PTPA: variants seen among roughly 807,000 people sequenced by gnomAD.
The protein encoded by PTPA is protein phosphatase 2 phosphatase activator.
PTPA carries 13 observed loss-of-function variants against 43.6 expected under a neutral mutation model. That is an observed-to-expected ratio of 0.30 (90% confidence interval 0.19 to 0.47). The LOEUF is 0.47. PTPA is among the 20% of genes least tolerant of loss of function. The pLI is 0.99. For missense variants in PTPA, 329 were observed against 411.9 expected, an observed-to-expected ratio of 0.80 and a Z score of 1.74; for synonymous variants, 172 against 158.2, an observed-to-expected ratio of 1.09 and a Z score of -0.66.
intron 4 of PTPA, among the ~76,000 whole-genome samples, chr9:129,129,902 T>A (rs946515653): frequency 3.3e-5 from 5 of 152,098 alleles, no homozygotes; most frequent in Non-Finnish European, 7.4e-5. Context: ...CAAGACCCCG[T>A]TACTGCAAAA....
chr9:129,142,228 G>A (rs1850911639), intron 8 of PTPA: 4 of 455,828 alleles, frequency 8.8e-6, no homozygotes, highest in East Asian at 3.4e-5. Flanking sequence ...GAGGGCCAAA[G>A]GGGAACCTTG....
intron 1 of PTPA, among the ~76,000 whole-genome samples, chr9:129,118,106 C>T (rs1174662693): frequency 2.0e-5 from 3 of 149,544 alleles, no homozygotes; most frequent in Admixed American, 6.7e-5. Context: ...AGAGCTGGAG[C>T]GCAATGGCAC....
chr9:129,141,820 CAGGCAGAGGG>C (rs1850863139), intron 8 of PTPA: 1 of 152,332 alleles, frequency 6.6e-6, no homozygotes, highest in Non-Finnish European at 1.5e-5. Flanking sequence ...GCCTGCATGG[CAGGCAGAGGG>C]CTGTCGGATA....
At chr9:129,125,820 G>A (rs1564189595) in intron 3 of PTPA, among the ~76,000 whole-genome samples, 1 of 152,168 alleles carries the variant, frequency 6.6e-6, no homozygotes, top group Non-Finnish European at 1.5e-5. Context: ...TTAGGCATTA[G>A]TCAGTTCTAA....
chr9:129,119,171 A>AT lies in PTPA; in HGVS notation c.32-1334dup, dbSNP rs990249871. 8.8e-5 allele frequency: 14 copies of AT among 159,902 alleles called. No homozygotes were observed. In the South Asian group the frequency reaches 1.1e-3, roughly 13 times the overall value. The allele number at this position is 159,902 out of a possible 1,614,324, so 9.9% of individuals were successfully genotyped here. ...GCAACCACACCCAGCTAATTTTTAA[A>AT]TTTTTTTTGTAAAGATGGCGTTTTG... On this transcript the variant is annotated intron_variant, in intron 1 of 9. Coordinates refer to ENST00000393370, the MANE Select transcript of PTPA (RefSeq NM_178000.3).
chr9:129,125,598 T>G (rs532728702), intron 3 of PTPA, among the ~76,000 whole-genome samples: 2,241 of 152,194 alleles, frequency 0.015, 62 homozygotes, highest in African/African-American at 0.051. Flanking sequence ...TGTGGTTACA[T>G]GCTTGGGTTC....
intron 9 of PTPA, among the ~76,000 whole-genome samples, chr9:129,144,193 A>G (rs1331847348): frequency 1.3e-5 from 2 of 151,672 alleles, no homozygotes; most frequent in African/African-American, 2.4e-5. Context: ...GGAGGAGCAT[A>G]TTCGGATTGA....
chr9:129,134,996 C>T (rs1850263393), intron 6 of PTPA, 102 bp downstream of exon 6: 9 of 948,606 alleles, frequency 9.5e-6, no homozygotes, highest in Admixed American at 6.5e-5. Flanking sequence ...CTGAGTAGCT[C>T]ATGGTTCTCT....
intron 9 of PTPA, 87 bp downstream of exon 9, chr9:129,142,639 C>T: frequency 6.4e-7 from 1 of 1,565,994 alleles, no homozygotes; most frequent in Non-Finnish European, 8.7e-7. Context: ...GAACCTGGGG[C>T]TCCTGCTTCC....
At chr9:129,123,934 C>T (rs568013875) in intron 3 of PTPA, among the ~76,000 whole-genome samples, 2 of 152,262 alleles carry the variant, frequency 1.3e-5, no homozygotes, top group Non-Finnish European at 2.9e-5. Flanking sequence ...CTGCCTGCCT[C>T]GGCCTCCCAA....
At position 129,147,500 on chromosome 9, in the gene PTPA, T is replaced by TC; in HGVS notation, c.*38dup. 1 of 1,593,906 alleles carries TC rather than the reference T, an allele frequency of 6.3e-7. No individual in the cohort carries two copies. Among genetic ancestry groups the TC allele is most frequent in the Non-Finnish European group, 8.6e-7 (1 of 1,163,550 alleles). On this transcript the variant is annotated 3_prime_UTR_variant, in exon 10 of 10. Coordinates refer to ENST00000393370, the MANE Select transcript of PTPA (RefSeq NM_178000.3). The stretch of plus-strand genomic sequence containing the variant: ...GCCGAAGAGCCACCCAGGCCACAGT[T>TC]CCTGTGCCTGCCTTCCCCACCCCAG...
intron 9 of PTPA, among the ~76,000 whole-genome samples, chr9:129,143,912 C>G (rs1238561217): frequency 2.0e-5 from 3 of 151,790 alleles, no homozygotes; most frequent in Non-Finnish European, 4.4e-5. Flanking sequence ...TCTGCTGTGC[C>G]CCGCCTCCAG....
intron 8 of PTPA, chr9:129,139,308 C>CA (rs1850597816): frequency 6.6e-6 from 1 of 152,198 alleles, no homozygotes; most frequent in South Asian, 2.1e-4. Context: ...GAGGAAATCT[C>CA]AAAGTAGCCA....
At chr9:129,127,841 A>T in intron 3 of PTPA, 1 of 551,414 alleles carries the variant, frequency 1.8e-6, no homozygotes, top group Non-Finnish European at 3.0e-6. Context: ...TGAAATAGGT[A>T]GTGAAACAGG....
intron 5 of PTPA, 76 bp downstream of exon 5, chr9:129,131,715 C>T: frequency 1.4e-6 from 2 of 1,400,140 alleles, no homozygotes; most frequent in East Asian, 2.3e-5. Flanking sequence ...GGTCTCTGGG[C>T]CCTCTGAGCA....
chr9:129,142,789 G>A (rs1850980837), intron 9 of PTPA: 1 of 1,535,870 alleles, frequency 6.5e-7, no homozygotes, highest in South Asian at 1.2e-5. Flanking sequence ...GCTCTGTCCT[G>A]ATGAGCTTGG....
At chr9:129,141,333 A>G (rs1359222477) in intron 8 of PTPA, among the ~76,000 whole-genome samples, 2 of 151,894 alleles carry the variant, frequency 1.3e-5, no homozygotes, top group Non-Finnish European at 2.9e-5. Context: ...TTCTCCTTCA[A>G]AAAATAACCC....
At chr9:129,116,606 C>T (rs1276161085) in intron 1 of PTPA, among the ~76,000 whole-genome samples, 6 of 152,192 alleles carry the variant, frequency 3.9e-5, no homozygotes, top group African/African-American at 7.2e-5. Context: ...AGGATGGTCT[C>T]GATCTCCTGA....
At chr9:129,115,986 G>A (rs1375558272) in intron 1 of PTPA, among the ~76,000 whole-genome samples, 3 of 151,924 alleles carry the variant, frequency 2.0e-5, no homozygotes, top group African/African-American at 7.3e-5. Flanking sequence ...TCAGCTTCGC[G>A]AGTAGCTGGG....
Sources: allele counts gnomAD v4.1 joint callset (sites outside exome capture counted in the v4.1 genomes callset), GRCh38; gene constraint gnomAD v4.1.1; transcripts MANE v1.5; gene names NCBI Gene and HGNC (gene_info 2026-07-23, HGNC 2026-07-21).